Variants in PCDHGA7 observed in about 807,000 individuals in gnomAD.
PCDHGA7 encodes the protein protocadherin gamma subfamily A, 7.
In PCDHGA7, 44 loss-of-function variants were observed where a neutral mutation model predicts 58.3. That is an observed-to-expected ratio of 0.75 (90% CI 0.59 to 0.97). The LOEUF (loss-of-function observed/expected upper bound fraction) is 0.97, where lower values mean the gene tolerates loss of function less well. PCDHGA7 is among the 50% of genes least tolerant of loss of function. The pLI is 0.00. For synonymous variants in PCDHGA7, 516 were observed against 504.2 expected (o/e 1.02, Z -0.31); for missense variants, 1,266 against 1,188.7 (o/e 1.06, Z -0.96).
chr5:141,499,881 T>A (rs2099795027), intron 2 of PCDHGA7, among the ~76,000 whole-genome samples: 1 of 152,082 alleles, frequency 6.6e-6, no homozygotes, highest in African/African-American at 2.4e-5. Flanking sequence ...ACAAACAGGG[T>A]TTCGCCATGT....
intron 1 of PCDHGA7, among the ~76,000 whole-genome samples, chr5:141,435,375 A>G (rs80179854): frequency 0.034 from 5,131 of 152,264 alleles, 102 homozygotes; most frequent in Middle Eastern, 0.088. Flanking sequence ...TTAAATATAC[A>G]ATATACCGTA....
At position 141,469,305 on chromosome 5, in the gene PCDHGA7, G is replaced by A. The variant is rs990437808; in HGVS notation, c.2425-25502G>A. Among the ~76,000 whole-genome samples the A allele has an allele frequency of 3.9e-5, 6 of 152,192 alleles. No homozygotes were observed. The South Asian group carries it at 6.2e-4, about 16-fold the overall frequency. On this transcript the variant is annotated intron_variant, in intron 1 of 3. Transcript: ENST00000518325. ...AAATAAAACAAAATAGACTGGGCACGATGGCTCACGCCTGTAATCCCACCA... is the reference window on the plus strand; with the variant it reads ...AAATAAAACAAAATAGACTGGGCACAATGGCTCACGCCTGTAATCCCACCA...
chr5:141,484,757 T>C (rs2099600412), intron 1 of PCDHGA7, among the ~76,000 whole-genome samples: 1 of 151,626 alleles, frequency 6.6e-6, no homozygotes, highest in East Asian at 1.9e-4. Flanking sequence ...AATGTATATA[T>C]ATATATATGT....
At chr5:141,412,264 CT>C (rs765219351) in intron 1 of PCDHGA7, 4 of 152,206 alleles carry the variant, frequency 2.6e-5, no homozygotes, top group Non-Finnish European at 4.4e-5. Context: ...TTTTCTAAAA[CT>C]TTTAGTACTT....
intron 1 of PCDHGA7, chr5:141,392,710 C>T: frequency 7.4e-7 from 1 of 1,345,380 alleles, no homozygotes; most frequent in Non-Finnish European, 9.8e-7. Flanking sequence ...TGGAGGCACT[C>T]CAGGTTTCCG....
chr5:141,428,029 C>G, intron 1 of PCDHGA7: 2 of 1,607,160 alleles, frequency 1.2e-6, no homozygotes, highest in Non-Finnish European at 1.7e-6. Flanking sequence ...GCCGCAGAGT[C>G]CGGCTACCTG....
intron 1 of PCDHGA7, chr5:141,415,762 T>TGTTTG: frequency 7.1e-7 from 1 of 1,399,990 alleles, no homozygotes; most frequent in Non-Finnish European, 9.3e-7. Flanking sequence ...TTTTTTTTTT[T>TGTTTG]TTTTTTTTTT....
At chr5:141,393,000 G>C (rs772046833) in intron 1 of PCDHGA7, 5 of 1,613,856 alleles carry the variant, frequency 3.1e-6, no homozygotes, top group African/African-American at 1.3e-5. Context: ...GGCGAAGCAC[G>C]GAGTCCGTAT....
chr5:141,383,792 CA>C lies in PCDHGA7; in HGVS notation c.894del (p.Gly299GlufsTer6). 6.2e-7 allele frequency: 1 copy of C among 1,613,914 alleles called. No individual in the cohort carries two copies. The highest frequency in any genetic ancestry group is 8.5e-7 in the Non-Finnish European group (1 of 1,179,876). ...LPKMFHLNSLTGEISTLEGLD... is the reference protein window; with the variant it reads ...LPKMFHLNSLXGEISTLEGLD... Reference sequence around the variant, plus strand: ...AAGATGTTTCATCTGAACTCGCTTACAGGAGAAATATCAACTTTAGAAGGAT... The same window carrying C: ...AAGATGTTTCATCTGAACTCGCTTACGGAGAAATATCAACTTTAGAAGGAT... On this transcript the variant is annotated frameshift_variant, in exon 1 of 4. Coordinates refer to ENST00000518325, the MANE Select transcript of PCDHGA7 (RefSeq NM_018920.4). LOFTEE classifies it high-confidence loss of function.
intron 2 of PCDHGA7, among the ~76,000 whole-genome samples, chr5:141,503,998 A>G (rs746158378): frequency 4.6e-5 from 7 of 152,104 alleles, no homozygotes; most frequent in Admixed American, 1.3e-4. Context: ...CCTTACAGTC[A>G]CTTAACTGTC....
intron 1 of PCDHGA7, among the ~76,000 whole-genome samples, chr5:141,459,386 T>C (rs1283863283): frequency 6.6e-6 from 1 of 152,260 alleles, no homozygotes; most frequent in African/African-American, 2.4e-5. Context: ...GTGTTCCATT[T>C]GATTGTTGAG....
chr5:141,477,988 C>T lies in PCDHGA7; in HGVS notation c.2425-16819C>T, dbSNP rs771241128. The T allele has an allele frequency of 6.2e-7, 1 of 1,614,160 alleles. No individual in the cohort carries two copies. Among genetic ancestry groups the T allele is most frequent in the Non-Finnish European group, 8.5e-7 (1 of 1,180,032 alleles). On this transcript the variant is annotated intron_variant, in intron 1 of 3. Coordinates refer to ENST00000518325, the MANE Select transcript of PCDHGA7 (RefSeq NM_018920.4). This position sits in a 1 kb window ranked among gnomAD's most constrained non-coding sequence, Gnocchi z 4.9. ...AGAGCCTTTTTGCCATAGGGCTGCA[C>T]ACTGGTCAAATCAGTACTGCCCGTC...
At chr5:141,405,261 T>A (rs1445565178) in intron 1 of PCDHGA7, 1 of 1,613,852 alleles carries the variant, frequency 6.2e-7, no homozygotes, top group South Asian at 1.1e-5. Context: ...CACCTGATCT[T>A]CCCCCAGCCC....
intron 1 of PCDHGA7, chr5:141,478,432 G>T (rs1238011675): frequency 6.2e-7 from 1 of 1,613,728 alleles, no homozygotes; most frequent in Admixed American, 1.7e-5. Context: ...GCGACCCGCT[G>T]CTGAAGAAAC....
At position 141,476,683 on chromosome 5, in the gene PCDHGA7, C is replaced by T; in HGVS notation, c.2425-18124C>T. The T allele has an allele frequency of 1.9e-6, 3 of 1,614,242 alleles. No homozygotes were observed. Among genetic ancestry groups the T allele is most frequent in the Non-Finnish European group, 2.5e-6 (3 of 1,180,052 alleles). ...CGCTTCGCGTGCAGACGCGGGAGGA[C>T]AGCACCAAGTACGCGGAGCTGGTGT... On this transcript the variant is annotated intron_variant, in intron 1 of 3. Coordinates refer to ENST00000518325, the MANE Select transcript of PCDHGA7 (RefSeq NM_018920.4). The surrounding 1 kb of genome is among the most constrained non-coding windows in gnomAD (Gnocchi z 7.6).
chr5:141,403,324 T>C (rs769971532), intron 1 of PCDHGA7: 9 of 1,613,974 alleles, frequency 5.6e-6, no homozygotes, highest in Non-Finnish European at 6.8e-6. Context: ...TAGAAGTAAC[T>C]GATATTAACG....
At chr5:141,450,241 C>T (rs1236675009) in intron 1 of PCDHGA7, among the ~76,000 whole-genome samples, 1 of 152,094 alleles carries the variant, frequency 6.6e-6, no homozygotes, top group East Asian at 1.9e-4. Flanking sequence ...TAGTCTTGAA[C>T]TCCTGACCTC....
rs565813908 is a variant in PCDHGA7 at position 141,503,968 on chromosome 5, G to A, written c.2484-1425G>A. Among the ~76,000 whole-genome samples, 14 of 152,182 alleles carry A rather than the reference G, an allele frequency of 9.2e-5. No homozygotes were observed. The South Asian group carries it at 2.7e-3, about 29-fold the overall frequency. ...GGCCTACCCTACAGCCTTTCCCATG[G>A]TGCCAAACCCTTCTTCTTACCTTAC... On this transcript the variant is annotated intron_variant, in intron 2 of 3. Transcript: ENST00000518325.
At position 141,489,632 on chromosome 5, in the gene PCDHGA7, C is replaced by T; in HGVS notation, c.2425-5175C>T. 6.2e-7 allele frequency: 1 copy of T among 1,614,138 alleles called. No homozygotes were observed. Among genetic ancestry groups the T allele is most frequent in the Non-Finnish European group, 8.5e-7 (1 of 1,180,010 alleles). Reference sequence around the variant, plus strand: ...ATCCTGGATCTCAATGACAACTCTCCTAGCTTTGCCACCCCTGAGCGAGAG... The same window carrying T: ...ATCCTGGATCTCAATGACAACTCTCTTAGCTTTGCCACCCCTGAGCGAGAG... On this transcript the variant is annotated intron_variant, in intron 1 of 3. Transcript: ENST00000518325. The surrounding 1 kb of genome is among the most constrained non-coding windows in gnomAD (Gnocchi z 4.5).
Sources: gnomAD v4.1 joint callset for allele counts (sites outside exome capture counted in the v4.1 genomes callset) on GRCh38, gnomAD v4.1.1 for gene constraint, Gnocchi (gnomAD v3.1) non-coding constraint, MANE v1.5 for transcripts, NCBI Gene and HGNC (gene_info 2026-07-23, HGNC 2026-07-21) for gene names.